Variants in IL33 observed in about 807,000 individuals in gnomAD.
The protein encoded by IL33 is interleukin 33, also known as interleukin-33.
In IL33, 37 loss-of-function variants were observed where a neutral mutation model predicts 27.3. That is an observed-to-expected ratio of 1.36 (90% CI 1.04 to 1.78). The LOEUF (loss-of-function observed/expected upper bound fraction) is 1.78. Among genes scored for constraint, IL33 ranks in the 40% most tolerant of loss-of-function variants. The pLI, the probability that IL33 is intolerant of heterozygous loss-of-function variation, is 0.00. For missense variants in IL33, 406 were observed against 311.4 expected, an observed-to-expected ratio of 1.30 and a Z score of -2.29; for synonymous variants, 132 against 102.9, an observed-to-expected ratio of 1.28 and a Z score of -1.71.
intron 4 of IL33, among the ~76,000 whole-genome samples, chr9:6,251,892 C>G (rs888644591): frequency 5.9e-5 from 9 of 151,544 alleles, no homozygotes; most frequent in African/African-American, 1.9e-4. Context: ...ATACAAAAAT[C>G]TGTTGGTTGT....
chr9:6,221,511 G>A (rs1222042836), intron 1 of IL33, among the ~76,000 whole-genome samples: 1 of 152,088 alleles, frequency 6.6e-6, no homozygotes, highest in African/African-American at 2.4e-5. Context: ...AAGCATTAAG[G>A]TCATTTGCAC....
chr9:6,229,708 A>G (rs1322367566), intron 1 of IL33, among the ~76,000 whole-genome samples: 1 of 152,160 alleles, frequency 6.6e-6, no homozygotes, highest in African/African-American at 2.4e-5. Context: ...ATTACACAAC[A>G]TTTACTGAGT....
intron 2 of IL33, among the ~76,000 whole-genome samples, chr9:6,243,337 A>G (rs2130340098): frequency 6.6e-6 from 1 of 152,296 alleles, no homozygotes; most frequent in South Asian, 2.1e-4. Context: ...GTCCTAGGAA[A>G]GAAGCATGCA....
intron 1 of IL33, among the ~76,000 whole-genome samples, chr9:6,239,120 C>A (rs753662372): frequency 5.3e-5 from 8 of 152,146 alleles, no homozygotes; most frequent in Non-Finnish European, 7.4e-5. Context: ...CAAAGAGCAG[C>A]CTGAGAGATC....
chr9:6,232,078 TG>T (rs1352612991), intron 1 of IL33, among the ~76,000 whole-genome samples: 3 of 152,284 alleles, frequency 2.0e-5, no homozygotes, highest in African/African-American at 7.2e-5. Flanking sequence ...CATTTAAAAG[TG>T]GGAAATTGCT....
rs563103604 is a variant in IL33, at chr9:6,220,285, T to A, written c.-12+4433T>A. Among the ~76,000 whole-genome samples the A allele has an allele frequency of 5.3e-4, 81 of 152,332 alleles. 1 individual carries two copies. Among genetic ancestry groups the A allele is most frequent in the Admixed American group, 4.6e-4 (7 of 15,304 alleles). On this transcript the variant is annotated intron_variant, in intron 1 of 7. Transcript: ENST00000682010. Reference sequence around the variant, plus strand: ...TCCATAAATTAAATGATTGTCATAATTTTCCCTAGCCATATTAGTGCATCT... The same window carrying A: ...TCCATAAATTAAATGATTGTCATAAATTTCCCTAGCCATATTAGTGCATCT...
In IL33 at chr9:6,215,837, A is replaced by G. The variant is rs1012881751; in HGVS notation, c.-27A>G. 6.6e-6 allele frequency: 1 copy of G among 152,190 alleles called. No individual in the cohort carries two copies. The highest frequency in any genetic ancestry group is 1.5e-5 in the Non-Finnish European group (1 of 68,026). The allele number at this position is 152,190 out of a possible 1,614,324, so 9.4% of individuals were successfully genotyped here. A position where few individuals can be genotyped will look rare whatever the true frequency, so the allele number is the denominator to read the frequency against. ...GCTGCAGCTCTTCAGGGAAGAAATC[A>G]AAACAAGATCACAAGGTAAGACTGA... On this transcript the variant is annotated 5_prime_UTR_variant, in exon 1 of 8. Coordinates refer to ENST00000682010, the MANE Select transcript of IL33 (RefSeq NM_033439.4).
chr9:6,247,740 C>T (rs1202672052), intron 2 of IL33, among the ~76,000 whole-genome samples: 1 of 152,074 alleles, frequency 6.6e-6, no homozygotes, highest in African/African-American at 2.4e-5. Flanking sequence ...TTTGCACTTT[C>T]CTCTCCAGAA....
intron 2 of IL33, among the ~76,000 whole-genome samples, chr9:6,248,834 C>CTCCATCCCAATCCCAATCCCAATCCCAA (rs1473132717): frequency 6.6e-6 from 1 of 152,038 alleles, no homozygotes; most frequent in Non-Finnish European, 1.5e-5. Flanking sequence ...TTGCCTCAGC[C>CTCCATCCCAATCCCAATCCCAATCCCAA]TCCCAAAGTG....
rs147186230 is a variant in IL33 at position 6,247,958 on chromosome 9, G to A, written c.92-2516G>A. Among the ~76,000 whole-genome samples, 123 of 151,702 alleles carry A rather than the reference G, an allele frequency of 8.1e-4. 1 individual carries two copies. The highest frequency in any genetic ancestry group is 2.6e-3 in the African/African-American group (106 of 41,336). ...CTTCCACATCTTCAGTACTTCCTCA[G>A]TATTGTGACCCTCACTTTTAACTAC... On this transcript the variant is annotated intron_variant, in intron 2 of 7. Transcript: ENST00000682010.
At chr9:6,218,246 A>C (rs908221689) in intron 1 of IL33, among the ~76,000 whole-genome samples, 6 of 152,094 alleles carry the variant, frequency 3.9e-5, no homozygotes, top group Admixed American at 1.3e-4. Context: ...TTCATAATTG[A>C]TTTCTTAAGT....
chr9:6,237,263 G>A (rs10975509), intron 1 of IL33, among the ~76,000 whole-genome samples: 102,460 of 152,094 alleles, frequency 0.67, 35,034 homozygotes, highest in Middle Eastern at 0.76. Flanking sequence ...TAAAAATAGG[G>A]GAGTAATGAG....
chr9:6,251,722 C>T (rs1816372191), intron 4 of IL33, among the ~76,000 whole-genome samples: 1 of 151,362 alleles, frequency 6.6e-6, no homozygotes, highest in Non-Finnish European at 1.5e-5. Flanking sequence ...ATGATGACTT[C>T]AAGAAGTGAA....
rs199698320 is a variant in IL33 at position 6,242,913 on chromosome 9, G to C, written c.91+1128G>C. Among the ~76,000 whole-genome samples, 22 of 152,314 alleles carry C rather than the reference G, an allele frequency of 1.4e-4. No homozygotes were observed. In the East Asian group the frequency reaches 3.7e-3, roughly 25 times the overall value. On this transcript the variant is annotated intron_variant, in intron 2 of 7. Transcript: ENST00000682010. ...TTTCCACTCATGATGGAAAGGGAAGGGAAACCAGTATGTGCAGAGGTCACA... is the reference window on the plus strand; with the variant it reads ...TTTCCACTCATGATGGAAAGGGAAGCGAAACCAGTATGTGCAGAGGTCACA...
At chr9:6,249,791 A>G (rs574074388) in intron 2 of IL33, among the ~76,000 whole-genome samples, 46 of 152,342 alleles carry the variant, frequency 3.0e-4, no homozygotes, top group African/African-American at 9.6e-4. Context: ...AATGGGGACA[A>G]TAATGCCCAT....
chr9:6,256,380 A>G lies in IL33; in HGVS notation c.*212A>G, dbSNP rs1468988963. On this transcript the variant is annotated 3_prime_UTR_variant, in exon 8 of 8. Coordinates refer to ENST00000682010, the MANE Select transcript of IL33 (RefSeq NM_033439.4). The stretch of plus-strand genomic sequence containing the variant: ...GTATAACTGCATCTTCAATACAAGT[A>G]TCAGTATATTAAATAGGGTATTGGT... 1.8e-6 allele frequency: 1 copy of G among 558,528 alleles called. No homozygotes were observed. The highest frequency in any genetic ancestry group is 1.9e-5 in the African/African-American group (1 of 52,862). 34.6% of individuals were successfully genotyped at this position (558,528 alleles called of 1,614,324 possible). A position where few individuals can be genotyped will look rare whatever the true frequency, so the allele number is the denominator to read the frequency against.
intron 1 of IL33, among the ~76,000 whole-genome samples, chr9:6,218,085 G>C (rs1818226546): frequency 6.6e-6 from 1 of 152,066 alleles, no homozygotes; most frequent in Non-Finnish European, 1.5e-5. Flanking sequence ...CAAAGTTTAG[G>C]GTGATTGAAC....
intron 4 of IL33, among the ~76,000 whole-genome samples, chr9:6,252,047 ACAAACAAAC>A (rs1564073095): frequency 0.094 from 4,203 of 44,838 alleles, 526 homozygotes; most frequent in East Asian, 0.17. Flanking sequence ...AAAAAAACAA[ACAAACAAAC>A]AAAAAAAAAC....
chr9:6,238,801 G>T (rs1000765312), intron 1 of IL33, among the ~76,000 whole-genome samples: 2 of 152,170 alleles, frequency 1.3e-5, no homozygotes, highest in Non-Finnish European at 2.9e-5. Context: ...TTTAAGACTG[G>T]AGAAGAAGTC....
Sources: allele counts gnomAD v4.1 joint callset (sites outside exome capture counted in the v4.1 genomes callset), GRCh38; gene constraint gnomAD v4.1.1; transcripts MANE v1.5; gene names NCBI Gene and HGNC (gene_info 2026-07-23, HGNC 2026-07-21).